KLF8: variants seen among roughly 807,000 people sequenced by gnomAD.
KLF8 encodes Krueppel-like factor 8.
KLF8 carries 10 observed loss-of-function variants against 18.2 expected under a neutral mutation model. That is an observed-to-expected ratio of 0.55 (90% CI 0.34 to 0.93). KLF8 has a LOEUF of 0.93. Ranked by LOEUF, KLF8 falls within the 40% of genes least tolerant of loss-of-function variation. KLF8 has a pLI of 0.02. For synonymous variants in KLF8, 109 were observed against 97.3 expected (o/e 1.12, Z -0.71); for missense variants, 264 against 277.9 (o/e 0.95, Z 0.36).
At chrX:56,048,990 T>C in the KLF8 span, among the ~76,000 whole-genome samples, 1 of 111,592 alleles carries the variant, frequency 9.0e-6, no homozygotes, top group Non-Finnish European at 1.9e-5. Flanking sequence ...TCACATCCCT[T>C]GTAAGTTGGA....
At chrX:56,013,790 C>T in the KLF8 span, among the ~76,000 whole-genome samples, 2 of 111,472 alleles carry the variant, frequency 1.8e-5, no homozygotes, top group African/African-American at 6.5e-5. Context: ...CCTGAGGCCT[C>T]CCCAGCTATG....
At chrX:56,066,566 T>G in the KLF8 span, among the ~76,000 whole-genome samples, 1 of 111,783 alleles carries the variant, frequency 8.9e-6, no homozygotes, top group East Asian at 2.8e-4. Flanking sequence ...GCAAGCAGGG[T>G]AGCTTGTCTT....
At chrX:56,017,819 G>C in the KLF8 span, among the ~76,000 whole-genome samples, 1 of 111,963 alleles carries the variant, frequency 8.9e-6, no homozygotes, top group Non-Finnish European at 1.9e-5. Context: ...GATCAAGACT[G>C]TTTTACCTCT....
the KLF8 span, among the ~76,000 whole-genome samples, chrX:56,123,646 CA>C: frequency 8.9e-6 from 1 of 112,060 alleles, no homozygotes; most frequent in East Asian, 2.8e-4. Context: ...TAATATTTTA[CA>C]AAAGTGGCAT....
chrX:56,077,858 G>A, the KLF8 span, among the ~76,000 whole-genome samples: 20 of 111,073 alleles, frequency 1.8e-4, no homozygotes, highest in Admixed American at 1.2e-3. Flanking sequence ...GGTCCTTCAC[G>A]TCCCTTGTAA....
At chrX:55,960,070 A>G in the KLF8 span, among the ~76,000 whole-genome samples, 1 of 112,100 alleles carries the variant, frequency 8.9e-6, no homozygotes, top group Non-Finnish European at 1.9e-5. Flanking sequence ...CTTGCAAGCC[A>G]GAAGACATTG....
chrX:56,018,755 A>T, the KLF8 span, among the ~76,000 whole-genome samples: 6 of 111,275 alleles, frequency 5.4e-5, no homozygotes, highest in African/African-American at 1.3e-4. Flanking sequence ...AATATTAGCA[A>T]TTCTATATGG....
At chrX:56,192,010 C>G in the KLF8 span, among the ~76,000 whole-genome samples, 3 of 111,101 alleles carry the variant, frequency 2.7e-5, no homozygotes, top group East Asian at 8.4e-4. Context: ...AAAGGGCATA[C>G]AAATCAGAAA....
At chrX:56,180,278 G>T in the KLF8 span, among the ~76,000 whole-genome samples, 1 of 111,814 alleles carries the variant, frequency 8.9e-6, no homozygotes, top group African/African-American at 3.2e-5. Flanking sequence ...GATGTTTATA[G>T]CATTCTCTGA....
the KLF8 span, among the ~76,000 whole-genome samples, chrX:56,154,677 A>T: frequency 8.9e-6 from 1 of 111,899 alleles, no homozygotes; most frequent in African/African-American, 3.2e-5. Flanking sequence ...AACCTACAGA[A>T]TGGGAGAAAA....
chrX:56,076,143 A>T, the KLF8 span, among the ~76,000 whole-genome samples: 143 of 109,073 alleles, frequency 1.3e-3, no homozygotes, highest in Non-Finnish European at 2.3e-3. Flanking sequence ...TGAACTCATA[A>T]TTTTTTTTTA....
At chrX:56,059,107 G>C in the KLF8 span, among the ~76,000 whole-genome samples, 3 of 112,171 alleles carry the variant, frequency 2.7e-5, no homozygotes, top group Non-Finnish European at 5.6e-5. Flanking sequence ...GACCAGTGAT[G>C]ATGAGCTTTT....
chrX:56,026,269 G>A, the KLF8 span, among the ~76,000 whole-genome samples: 1 of 111,474 alleles, frequency 9.0e-6, no homozygotes, highest in African/African-American at 3.3e-5. Context: ...ATTCACACAC[G>A]GTCATCTGGA....
the KLF8 span, among the ~76,000 whole-genome samples, chrX:56,151,785 C>T: frequency 9.0e-6 from 1 of 110,938 alleles, no homozygotes; most frequent in East Asian, 2.8e-4. Flanking sequence ...TGTTCATATA[C>T]ATTTGAGAAT....
At chrX:55,966,634 G>A in the KLF8 span, among the ~76,000 whole-genome samples, 1 of 111,817 alleles carries the variant, frequency 8.9e-6, no homozygotes, top group Non-Finnish European at 1.9e-5. Context: ...TAGATACCTG[G>A]CAAGTCTTCC....
the KLF8 span, among the ~76,000 whole-genome samples, chrX:55,988,325 A>C: frequency 2.7e-5 from 3 of 111,370 alleles, no homozygotes; most frequent in Admixed American, 9.5e-5. Context: ...TAGGGTTTTT[A>C]TGGTTTTAGG....
the KLF8 span, among the ~76,000 whole-genome samples, chrX:56,103,112 A>T: frequency 9.1e-6 from 1 of 110,144 alleles, no homozygotes; most frequent in Non-Finnish European, 1.9e-5. Context: ...TGGTTACTGT[A>T]GCCTTGTAGT....
At chrX:56,077,706 G>T in the KLF8 span, among the ~76,000 whole-genome samples, 14 of 111,548 alleles carry the variant, frequency 1.3e-4, no homozygotes, top group Admixed American at 9.5e-5. Flanking sequence ...GATGGGGATG[G>T]CATTGAATCT....
the KLF8 span, among the ~76,000 whole-genome samples, chrX:56,100,295 T>TA: frequency 7.2e-5 from 8 of 111,636 alleles, no homozygotes; most frequent in Non-Finnish European, 1.5e-4. Context: ...CTGCTTAGAA[T>TA]AAAAAATATT....
Sources: allele counts gnomAD v4.1 joint callset (sites outside exome capture counted in the v4.1 genomes callset), GRCh38; gene constraint gnomAD v4.1.1; transcripts MANE v1.5; gene names NCBI Gene and HGNC (gene_info 2026-07-23, HGNC 2026-07-21).